The following MYT1L variants were observed in gnomAD, a reference collection of about 807,000 sequenced individuals.
The protein encoded by MYT1L is myelin transcription factor 1-like protein.
MYT1L carries 12 observed loss-of-function variants against 126.7 expected under a neutral mutation model. That is an observed-to-expected ratio of 0.09 (90% confidence interval 0.06 to 0.15). The LOEUF (loss-of-function observed/expected upper bound fraction) is 0.15, where lower values mean the gene tolerates loss of function less well. Among genes scored for constraint, MYT1L ranks in the 10% least tolerant of loss-of-function variants. The probability of loss-of-function intolerance (pLI) is 1.00; values close to 1 mark genes in which losing one functional copy is unlikely to be tolerated. For missense variants in MYT1L, 979 were observed against 1,585.2 expected (o/e 0.62, Z 6.49); for synonymous variants, 541 against 604.2 (o/e 0.90, Z 1.53).
chr2:1,933,814 C>T (rs756573078), intron 9 of MYT1L, among the ~76,000 whole-genome samples: 9 of 152,022 alleles, frequency 5.9e-5, no homozygotes, highest in South Asian at 2.1e-4. Flanking sequence ...AACCCACATG[C>T]GATTGGTGTG....
intron 14 of MYT1L, among the ~76,000 whole-genome samples, chr2:1,898,727 G>A (rs1028341831): frequency 2.6e-5 from 4 of 152,342 alleles, no homozygotes; most frequent in South Asian, 4.1e-4. Flanking sequence ...AGGAAGGGCC[G>A]CGGACTGCCT....
intron 3 of MYT1L, among the ~76,000 whole-genome samples, chr2:2,112,637 G>T (rs1018416318): frequency 6.6e-6 from 1 of 152,128 alleles, no homozygotes; most frequent in Non-Finnish European, 1.5e-5. Context: ...TGGCTTCTGT[G>T]TTTTTATCAG....
chr2:2,181,495 C>T (rs532007211), intron 2 of MYT1L, among the ~76,000 whole-genome samples: 3 of 152,046 alleles, frequency 2.0e-5, no homozygotes, highest in African/African-American at 7.2e-5. Flanking sequence ...TAGAAATTAC[C>T]GTCTGTCAGA....
chr2:2,082,786 C>T (rs1023958229), intron 3 of MYT1L, among the ~76,000 whole-genome samples: 11 of 152,182 alleles, frequency 7.2e-5, no homozygotes, highest in African/African-American at 1.9e-4. Context: ...AAGACTATTG[C>T]ATGATTAGGA....
chr2:1,999,851 AAC>A (rs777272006), intron 4 of MYT1L, among the ~76,000 whole-genome samples: 7 of 152,344 alleles, frequency 4.6e-5, no homozygotes, highest in African/African-American at 7.2e-5. Context: ...CTAAAAATTA[AAC>A]AGTTATTAAT....
At chr2:2,168,302 C>G (rs901932396) in intron 3 of MYT1L, among the ~76,000 whole-genome samples, 1 of 152,232 alleles carries the variant, frequency 6.6e-6, no homozygotes, top group Admixed American at 6.5e-5. Flanking sequence ...AAGAGTACTA[C>G]GTGTGCATGC....
intron 2 of MYT1L, among the ~76,000 whole-genome samples, chr2:2,243,749 T>A (rs1300231126): frequency 6.6e-6 from 1 of 152,210 alleles, no homozygotes; most frequent in Non-Finnish European, 1.5e-5. Flanking sequence ...TGTCTTTTGT[T>A]TTTGGATTCT....
chr2:1,971,685 C>T (rs987270417), intron 8 of MYT1L, among the ~76,000 whole-genome samples: 8 of 152,118 alleles, frequency 5.3e-5, no homozygotes, highest in Admixed American at 2.6e-4. Flanking sequence ...GAGCTGAGAT[C>T]GTGCCACTGC....
chr2:2,315,104 A>G (rs1011165760), intron 1 of MYT1L, among the ~76,000 whole-genome samples: 4 of 152,168 alleles, frequency 2.6e-5, no homozygotes, highest in Non-Finnish European at 4.4e-5. Flanking sequence ...TCACATGGGG[A>G]ACTCCAGAGC....
At chr2:1,913,782 C>T (rs55987378) in intron 11 of MYT1L, among the ~76,000 whole-genome samples, 3,297 of 152,230 alleles carry the variant, frequency 0.022, 50 homozygotes, top group Non-Finnish European at 0.034. Flanking sequence ...TGTGGGAATG[C>T]ACACTCCCAG....
chr2:2,205,311 A>C (rs1254242498), intron 2 of MYT1L, among the ~76,000 whole-genome samples: 3 of 152,102 alleles, frequency 2.0e-5, no homozygotes, highest in Non-Finnish European at 4.4e-5. Flanking sequence ...AGAAAACAGT[A>C]ATTATATAAT....
chr2:1,998,220 T>G (rs1322959446), intron 4 of MYT1L, among the ~76,000 whole-genome samples: 5 of 152,190 alleles, frequency 3.3e-5, no homozygotes, highest in Admixed American at 3.3e-4. Context: ...CTCTCCAGGG[T>G]TGACAGGACT....
intron 22 of MYT1L, among the ~76,000 whole-genome samples, chr2:1,803,231 G>A (rs957763017): frequency 2.6e-5 from 4 of 152,160 alleles, no homozygotes; most frequent in East Asian, 1.9e-4. Context: ...ATGAACGAAC[G>A]TATCATTTCA....
At chr2:1,857,466 G>A (rs1402211812) in intron 18 of MYT1L, among the ~76,000 whole-genome samples, 1 of 152,160 alleles carries the variant, frequency 6.6e-6, no homozygotes, top group Non-Finnish European at 1.5e-5. Context: ...AATATTTGGA[G>A]TAATAATGCA....
intron 1 of MYT1L, among the ~76,000 whole-genome samples, chr2:2,290,454 C>G (rs2149457041): frequency 6.6e-6 from 1 of 152,302 alleles, no homozygotes; most frequent in Non-Finnish European, 1.5e-5. Context: ...TATACTCACA[C>G]AGTTTGTATA....
chr2:2,016,483 G>C (rs1239293917), intron 4 of MYT1L, among the ~76,000 whole-genome samples: 1 of 152,222 alleles, frequency 6.6e-6, no homozygotes, highest in African/African-American at 2.4e-5. Context: ...CCATGGCACT[G>C]TTCACTTTTC....
chr2:2,105,716 T>A (rs1162428754), intron 3 of MYT1L, among the ~76,000 whole-genome samples: 1 of 152,292 alleles, frequency 6.6e-6, no homozygotes, highest in Non-Finnish European at 1.5e-5. Context: ...TTTTTATATT[T>A]GCAAAATGAA....
chr2:2,063,895 A>G (rs2070875527), intron 3 of MYT1L, among the ~76,000 whole-genome samples: 1 of 152,134 alleles, frequency 6.6e-6, no homozygotes, highest in South Asian at 2.1e-4. Flanking sequence ...GATAATTCCT[A>G]ACATATCTCT....
chr2:1,928,191 C>T (rs953542180), intron 9 of MYT1L, among the ~76,000 whole-genome samples: 5 of 152,172 alleles, frequency 3.3e-5, no homozygotes, highest in Admixed American at 2.0e-4. Flanking sequence ...CTGCCTGCCT[C>T]GGCCTCCCAT....
Sources: gnomAD v4.1 joint callset for allele counts (sites outside exome capture counted in the v4.1 genomes callset) on GRCh38, gnomAD v4.1.1 for gene constraint, MANE v1.5 for transcripts, NCBI Gene and HGNC (gene_info 2026-07-23, HGNC 2026-07-21) for gene names.